The following REDIC1 variants were observed in gnomAD, a reference collection of about 807,000 sequenced individuals.
REDIC1 encodes HEI10 Interacting Protein 1.
At chr12:39,699,745 T>G in the REDIC1 span, among the ~76,000 whole-genome samples, 2 of 152,206 alleles carry the variant, frequency 1.3e-5, no homozygotes, top group Non-Finnish European at 2.9e-5. Flanking sequence ...GCTAGAGATC[T>G]GAGAACAGGC....
the REDIC1 span, among the ~76,000 whole-genome samples, chr12:39,727,678 C>G: frequency 1.3e-5 from 2 of 152,070 alleles, no homozygotes; most frequent in African/African-American, 4.8e-5. Context: ...TGAAGAAAGT[C>G]TAATTCTGTG....
At chr12:39,904,255 C>A in the REDIC1 span, among the ~76,000 whole-genome samples, 3 of 152,088 alleles carry the variant, frequency 2.0e-5, no homozygotes, top group Non-Finnish European at 4.4e-5. Flanking sequence ...GGGGGCTAGT[C>A]GTAGAAGCAC....
the REDIC1 span, among the ~76,000 whole-genome samples, chr12:39,750,809 G>T: frequency 1.3e-5 from 2 of 152,104 alleles, no homozygotes; most frequent in African/African-American, 4.8e-5. Context: ...CAAGAAATGG[G>T]GAAACGATTC....
At chr12:39,761,283 T>G in the REDIC1 span, among the ~76,000 whole-genome samples, 1 of 151,994 alleles carries the variant, frequency 6.6e-6, no homozygotes, top group African/African-American at 2.4e-5. Context: ...ACTTAAGTGT[T>G]GGCAGTTTAT....
chr12:39,733,069 G>GTA, the REDIC1 span, among the ~76,000 whole-genome samples: 1 of 148,350 alleles, frequency 6.7e-6, no homozygotes, highest in Non-Finnish European at 1.5e-5. Flanking sequence ...GCAGAAAAAT[G>GTA]CACACACACA....
chr12:39,859,835 A>G, the REDIC1 span, among the ~76,000 whole-genome samples: 1 of 152,048 alleles, frequency 6.6e-6, no homozygotes. Flanking sequence ...CTTAATTGAG[A>G]AGTATTAAAA....
chr12:39,743,269 T>C, the REDIC1 span, among the ~76,000 whole-genome samples: 1 of 152,096 alleles, frequency 6.6e-6, no homozygotes, highest in Non-Finnish European at 1.5e-5. Context: ...CTTTCCCACC[T>C]AGAGGGAGAA....
At chr12:39,809,878 A>G in the REDIC1 span, among the ~76,000 whole-genome samples, 8 of 152,126 alleles carry the variant, frequency 5.3e-5, no homozygotes, top group Non-Finnish European at 1.5e-5. Flanking sequence ...TGGTGTATAT[A>G]TGCCACATTT....
At chr12:39,797,142 T>C in the REDIC1 span, among the ~76,000 whole-genome samples, 1 of 152,212 alleles carries the variant, frequency 6.6e-6, no homozygotes, top group East Asian at 1.9e-4. Flanking sequence ...TTGTTATTTG[T>C]AAAAATTCTG....
chr12:39,767,257 G>A, the REDIC1 span, among the ~76,000 whole-genome samples: 4 of 151,842 alleles, frequency 2.6e-5, no homozygotes, highest in Non-Finnish European at 5.9e-5. Flanking sequence ...GAGCCCTTGA[G>A]TGACCAGTGT....
At chr12:39,683,843 A>G in the REDIC1 span, among the ~76,000 whole-genome samples, 2 of 152,152 alleles carry the variant, frequency 1.3e-5, no homozygotes, top group Non-Finnish European at 2.9e-5. Context: ...ATGAAAAAGC[A>G]TATTTTCTTA....
At chr12:39,699,783 C>A in the REDIC1 span, among the ~76,000 whole-genome samples, 1 of 152,188 alleles carries the variant, frequency 6.6e-6, no homozygotes, top group Non-Finnish European at 1.5e-5. Flanking sequence ...GGGTCCCTGA[C>A]CCCTGACCCC....
chr12:39,879,323 C>A, the REDIC1 span, among the ~76,000 whole-genome samples: 2 of 152,188 alleles, frequency 1.3e-5, no homozygotes, highest in Non-Finnish European at 2.9e-5. Flanking sequence ...GGGCCACCAT[C>A]CTCTAGACCC....
At chr12:39,649,138 C>T in the REDIC1 span, among the ~76,000 whole-genome samples, 3,897 of 151,812 alleles carry the variant, frequency 0.026, 69 homozygotes, top group Non-Finnish European at 0.036. Flanking sequence ...TTATAGACTG[C>T]AGGTTAATGA....
the REDIC1 span, among the ~76,000 whole-genome samples, chr12:39,841,696 T>C: frequency 3.3e-5 from 5 of 152,020 alleles, no homozygotes; most frequent in East Asian, 9.6e-4. Context: ...AATCAACACA[T>C]ACAAATATAA....
the REDIC1 span, among the ~76,000 whole-genome samples, chr12:39,891,225 C>A: frequency 6.6e-6 from 1 of 150,798 alleles, no homozygotes; most frequent in African/African-American, 2.4e-5. Context: ...TTCCAACCTT[C>A]TGCTGAGCTC....
the REDIC1 span, among the ~76,000 whole-genome samples, chr12:39,748,324 A>AGAAG: frequency 4.6e-5 from 7 of 150,602 alleles, no homozygotes; most frequent in Admixed American, 1.3e-4. Context: ...AAAGAGACAA[A>AGAAG]GCCATTACAT....
chr12:39,712,661 A>G, the REDIC1 span, among the ~76,000 whole-genome samples: 1 of 144,566 alleles, frequency 6.9e-6, no homozygotes, highest in African/African-American at 2.5e-5. Context: ...GTATATATGT[A>G]TGTATACATG....
the REDIC1 span, among the ~76,000 whole-genome samples, chr12:39,694,404 A>G: frequency 2.8e-5 from 4 of 144,930 alleles, no homozygotes; most frequent in Admixed American, 2.8e-4. Flanking sequence ...GAGTGGCGAC[A>G]TGGTGCGGAG....
Sources: gnomAD v4.1 joint callset for allele counts (sites outside exome capture counted in the v4.1 genomes callset) on GRCh38, gnomAD v4.1.1 for gene constraint, MANE v1.5 for transcripts, NCBI Gene and HGNC (gene_info 2026-07-23, HGNC 2026-07-21) for gene names.